The following REEP1 variants were observed in gnomAD, a reference collection of about 807,000 sequenced individuals.
REEP1 encodes the protein receptor expression-enhancing protein 1.
REEP1 carries 22 observed loss-of-function variants against 40.3 expected under a neutral mutation model. The observed-to-expected ratio is 0.55, with a 90% confidence interval of 0.39 to 0.78. REEP1 has a LOEUF of 0.78. REEP1 is among the 30% of genes least tolerant of loss of function. The pLI is 0.00. For missense variants in REEP1, 280 were observed against 361.1 expected, an observed-to-expected ratio of 0.78 and a Z score of 1.82; for synonymous variants, 116 against 139.2, an observed-to-expected ratio of 0.83 and a Z score of 1.17.
At chr2:86,232,974 C>T (rs1040838600) in intron 5 of REEP1, among the ~76,000 whole-genome samples, 172 bp from the exon 6 acceptor site, 12 of 152,202 alleles carry the variant, frequency 7.9e-5, no homozygotes, top group East Asian at 1.9e-4. Context: ...GGTCAAATCC[C>T]GGAATTTTCC....
chr2:86,259,155 T>G (rs1329453921), intron 3 of REEP1, among the ~76,000 whole-genome samples: 2 of 151,454 alleles, frequency 1.3e-5, no homozygotes, highest in Non-Finnish European at 2.9e-5. Context: ...CCAGGCATGG[T>G]GGCACGTGCC....
rs1457666842 is a variant in REEP1, at chr2:86,313,297, TTTC to T, written c.32+24179_32+24181del. On this transcript the variant is annotated intron_variant, in intron 1 of 8. Transcript: ENST00000538924. ...CATGCCTGGCTGGTTTTTCTTTTCT[TTTC>T]TTTTTTTTTTTTTTGGTGTGTAGAG... Among the ~76,000 whole-genome samples the T allele has an allele frequency of 6.7e-5, 10 of 149,042 alleles. 2 individuals carry two copies. The highest frequency in any genetic ancestry group is 1.3e-4 in the Admixed American group (2 of 15,100).
chr2:86,291,394 T>C (rs1218935845), intron 1 of REEP1, among the ~76,000 whole-genome samples: 1 of 152,206 alleles, frequency 6.6e-6, no homozygotes, highest in Non-Finnish European at 1.5e-5. Flanking sequence ...CGACCTGAGC[T>C]GATCTTGGGA....
intron 1 of REEP1, among the ~76,000 whole-genome samples, chr2:86,286,794 T>C (rs533548712): frequency 2.0e-4 from 31 of 152,252 alleles, no homozygotes; most frequent in African/African-American, 7.2e-4. Flanking sequence ...CTGCAAACCA[T>C]GAAACAAACT....
intron 1 of REEP1, among the ~76,000 whole-genome samples, chr2:86,290,968 C>T (rs1678664719): frequency 1.3e-5 from 2 of 152,186 alleles, no homozygotes; most frequent in Admixed American, 1.3e-4. Context: ...TCCCTAAAGA[C>T]TGTATTATTG....
At chr2:86,245,754 C>T (rs1305799354) in intron 5 of REEP1, among the ~76,000 whole-genome samples, 4 of 151,242 alleles carry the variant, frequency 2.6e-5, no homozygotes, top group African/African-American at 4.9e-5. Context: ...TGGTCCCCAA[C>T]ATATACTCAA....
rs188208678 is a variant in REEP1 at position 86,317,501 on chromosome 2, A to G, written c.32+19978T>C. 5.3e-5 allele frequency among the ~76,000 whole-genome samples: 8 copies of G among 152,270 alleles called. No homozygotes were observed. In the East Asian group the frequency reaches 1.5e-3, roughly 29 times the overall value. On this transcript the variant is annotated intron_variant, in intron 1 of 8. Transcript: ENST00000538924. ...GGGTCCATGAGGTCAAAACAATTTCAACAATATTACCAAGACATTTGCCTT... is the reference window on the plus strand; with the variant it reads ...GGGTCCATGAGGTCAAAACAATTTCGACAATATTACCAAGACATTTGCCTT...
intron 5 of REEP1, among the ~76,000 whole-genome samples, chr2:86,235,727 CTCCAT>C (rs1483825646): frequency 1.3e-5 from 2 of 152,300 alleles, no homozygotes; most frequent in Non-Finnish European, 2.9e-5. Context: ...TAGCAAAGTG[CTCCAT>C]TCAACTCCCA....
chr2:86,335,881 A>C (rs1214035053), intron 1 of REEP1, among the ~76,000 whole-genome samples: 1 of 142,724 alleles, frequency 7.0e-6, no homozygotes, highest in Non-Finnish European at 1.5e-5. Flanking sequence ...GGCAGGGGTG[A>C]GGGAGGTGCT....
At chr2:86,226,603 G>C (rs554538540) in intron 7 of REEP1, among the ~76,000 whole-genome samples, 82 of 150,558 alleles carry the variant, frequency 5.4e-4, no homozygotes, top group African/African-American at 1.9e-3. Context: ...CAAGTAGTTG[G>C]GACTACAGGT....
intron 1 of REEP1, among the ~76,000 whole-genome samples, chr2:86,317,560 A>G (rs2104505013): frequency 6.6e-6 from 1 of 152,348 alleles, no homozygotes; most frequent in South Asian, 2.1e-4. Flanking sequence ...ATGGTGCAAA[A>G]CCAATGAAAG....
At chr2:86,272,453 G>A (rs546015535) in intron 2 of REEP1, among the ~76,000 whole-genome samples, 2 of 152,288 alleles carry the variant, frequency 1.3e-5, no homozygotes, top group East Asian at 3.9e-4. Flanking sequence ...TTGGCTAGTA[G>A]TGAAACAATC....
intron 1 of REEP1, among the ~76,000 whole-genome samples, chr2:86,316,659 G>T (rs995675490): frequency 1.1e-4 from 16 of 151,864 alleles, no homozygotes; most frequent in African/African-American, 3.9e-4. Flanking sequence ...AGGAGTTCGA[G>T]ACCAGCCTGG....
In REEP1 at chr2:86,214,526, C is replaced by T. The variant is rs115098584; in HGVS notation, c.*2513G>A. 0.022 allele frequency: 3,330 copies of T among 152,788 alleles called. 68 individuals are homozygous for T. Among genetic ancestry groups the T allele is most frequent in the Non-Finnish European group, 0.034 (2,283 of 68,038 alleles). The allele number at this position is 152,788 out of a possible 1,614,324, so 9.5% of individuals were successfully genotyped here. ...TTCCAGCTAGCATTTTGTAAACAGC[C>T]TGTGTCTGTAAGTCAGCAAATTAAA... On this transcript the variant is annotated 3_prime_UTR_variant, in exon 9 of 9. Coordinates refer to ENST00000538924, the MANE Select transcript of REEP1 (RefSeq NM_001371279.1).
At chr2:86,245,776 T>C (rs1262141175) in intron 5 of REEP1, among the ~76,000 whole-genome samples, 1 of 151,574 alleles carries the variant, frequency 6.6e-6, no homozygotes, top group East Asian at 1.9e-4. Flanking sequence ...TTTTTTTTTT[T>C]TTTTTTGAGA....
intron 1 of REEP1, among the ~76,000 whole-genome samples, chr2:86,285,844 A>G (rs958484958): frequency 6.6e-6 from 1 of 152,166 alleles, no homozygotes; most frequent in Non-Finnish European, 1.5e-5. Context: ...ACTTTCTAGG[A>G]AGTCAGAAAA....
chr2:86,337,938 G>C, upstream of REEP1: 1 of 1,309,836 alleles, frequency 7.6e-7, no homozygotes, highest in Non-Finnish European at 1.1e-6. The surrounding 1 kb of genome is among the most constrained non-coding windows in gnomAD (Gnocchi z 5.8). Flanking sequence ...GTCCGAACCT[G>C]AACCTCGGGA....
chr2:86,292,171 C>T (rs931232461), intron 1 of REEP1, among the ~76,000 whole-genome samples: 1 of 152,116 alleles, frequency 6.6e-6, no homozygotes, highest in Non-Finnish European at 1.5e-5. Context: ...CTACTCTGAA[C>T]CAGTTTCCTT....
intron 5 of REEP1, among the ~76,000 whole-genome samples, chr2:86,248,859 G>A (rs938859978): frequency 6.6e-6 from 1 of 152,188 alleles, no homozygotes; most frequent in African/African-American, 2.4e-5. Flanking sequence ...CCCCAGCTAT[G>A]GGTGACTTTG....
Sources: gnomAD v4.1 joint callset for allele counts (sites outside exome capture counted in the v4.1 genomes callset) on GRCh38, gnomAD v4.1.1 for gene constraint, Gnocchi (gnomAD v3.1) non-coding constraint, MANE v1.5 for transcripts, NCBI Gene and HGNC (gene_info 2026-07-23, HGNC 2026-07-21) for gene names.